Variants in MATR3 observed in about 807,000 individuals in gnomAD.
MATR3 encodes the protein matrin-3.
A neutral mutation model predicts 85.5 loss-of-function variants in MATR3; 4 were observed. That is an observed-to-expected ratio of 0.05 (90% CI 0.02 to 0.11). The LOEUF is 0.11. Ranked by LOEUF, MATR3 falls within the 10% of genes least tolerant of loss-of-function variation. MATR3 has a pLI of 1.00. For missense variants in MATR3, 685 were observed against 1,016.1 expected, an observed-to-expected ratio of 0.67 and a Z score of 4.43; for synonymous variants, 336 against 343.1, an observed-to-expected ratio of 0.98 and a Z score of 0.23.
chr5:139,319,000 A>G lies in MATR3; in HGVS notation c.1401A>G (p.Arg467=), dbSNP rs774463869. 2.2e-5 allele frequency: 35 copies of G among 1,613,720 alleles called. No homozygotes were observed. Among genetic ancestry groups the G allele is most frequent in the Middle Eastern group, 3.3e-4 (2 of 6,084 alleles). ...TPALVFGKPV[R]VHLSQKYKRI... Reference sequence around the variant, plus strand: ...CGTTAGTATTTGGCAAGCCAGTGAGAGTTCATTTATCCCAGAAGTATAAAA... The same window carrying G: ...CGTTAGTATTTGGCAAGCCAGTGAGGGTTCATTTATCCCAGAAGTATAAAA... The change falls in exon 8 of 15, where the codon AGA becomes AGG. Residue 467 remains arginine, a synonymous_variant. Transcript: ENST00000394805.
At chr5:139,319,193 C>T (rs1313795180) in intron 8 of MATR3, 141 bp from the exon 9 acceptor site, 3 of 1,236,382 alleles carry the variant, frequency 2.4e-6, no homozygotes, top group East Asian at 5.0e-5. Flanking sequence ...ATGTGAGGCC[C>T]AGGAGTTCCA....
chr5:139,321,446 G>C (rs916708586), intron 9 of MATR3, among the ~76,000 whole-genome samples: 1 of 151,724 alleles, frequency 6.6e-6, no homozygotes, highest in Non-Finnish European at 1.5e-5. Context: ...GAGCCACTGC[G>C]CCCAGCCCTG....
At chr5:139,328,724 A>G (rs541960068) in intron 14 of MATR3, among the ~76,000 whole-genome samples, 2 of 152,278 alleles carry the variant, frequency 1.3e-5, no homozygotes, top group East Asian at 3.9e-4. Flanking sequence ...CATTGAGGCC[A>G]GATGTGATAG....
chr5:139,323,631 G>A (rs1341515895), intron 12 of MATR3, among the ~76,000 whole-genome samples: 1 of 152,180 alleles, frequency 6.6e-6, no homozygotes, highest in Non-Finnish European at 1.5e-5. Flanking sequence ...GAGTCAGGCG[G>A]GCCCAGTGGC....
At chr5:139,316,736 G>A (rs1318758757) in intron 5 of MATR3, among the ~76,000 whole-genome samples, 3 of 152,046 alleles carry the variant, frequency 2.0e-5, no homozygotes, top group South Asian at 4.1e-4. Context: ...TTTTGGTAGA[G>A]GCAGGGGTTT....
intron 12 of MATR3, among the ~76,000 whole-genome samples, chr5:139,324,471 A>G (rs544980221): frequency 7.2e-5 from 11 of 152,070 alleles, no homozygotes; most frequent in African/African-American, 4.8e-5. Flanking sequence ...TTGTATTTTT[A>G]GTAGAAACGA....
intron 14 of MATR3, 23 bp downstream of exon 14, chr5:139,326,307 T>C: frequency 6.2e-7 from 1 of 1,611,106 alleles, no homozygotes; most frequent in Non-Finnish European, 8.5e-7. Context: ...GTAAAACAGT[T>C]CTTTTGTGAA....
intron 10 of MATR3, 74 bp from the exon 11 acceptor site, chr5:139,322,389 C>G (rs1581256020): frequency 6.0e-6 from 8 of 1,339,140 alleles, no homozygotes; most frequent in Middle Eastern, 1.8e-4. Context: ...TAGGGATTGT[C>G]TCCAATTATT....
intron 3 of MATR3, chr5:139,283,408 G>T (rs1405722225): frequency 6.6e-6 from 1 of 152,276 alleles, no homozygotes; most frequent in Non-Finnish European, 1.5e-5. Flanking sequence ...AGAACAGGAG[G>T]GGTGAAAGGG....
intron 14 of MATR3, among the ~76,000 whole-genome samples, chr5:139,328,430 C>CT (rs1755967508): frequency 6.6e-6 from 1 of 151,972 alleles, no homozygotes; most frequent in Admixed American, 6.6e-5. Context: ...GTCTTTTGTA[C>CT]TTTCATTAGT....
Position 139,305,410 on chromosome 5 carries a change from A to T in MATR3, c.-177-1829A>T, listed in dbSNP as rs532603619. 2.6e-5 allele frequency among the ~76,000 whole-genome samples: 4 copies of T among 152,340 alleles called. No homozygotes were observed. The South Asian group carries it at 8.3e-4, about 32-fold the overall frequency. On this transcript the variant is annotated intron_variant, in intron 1 of 14. Coordinates refer to ENST00000394805, the MANE Select transcript of MATR3 (RefSeq NM_018834.6). The stretch of plus-strand genomic sequence containing the variant: ...ATATAATTTCTCTTAGGGAAAAAAT[A>T]ATTCAAAAGACTGACTTTTCAGTAA...
chr5:139,323,153 T>C (rs1755665353), intron 12 of MATR3, among the ~76,000 whole-genome samples, 186 bp downstream of exon 12: 1 of 152,132 alleles, frequency 6.6e-6, no homozygotes, highest in Admixed American at 6.6e-5. Context: ...CATTTTATTA[T>C]AGTTGGCAAA....
chr5:139,295,087 C>T (rs1179927219), intron 1 of MATR3: 1 of 152,182 alleles, frequency 6.6e-6, no homozygotes, highest in Non-Finnish European at 1.5e-5. Context: ...ATACATTTTT[C>T]TCCCAGGGAA....
At chr5:139,279,968 C>T (rs1486161924) in intron 3 of MATR3, 1 of 152,134 alleles carries the variant, frequency 6.6e-6, no homozygotes, top group African/African-American at 2.4e-5. Context: ...TGGACAACTC[C>T]AATATTAGAG....
chr5:139,292,754 A>T (rs990119987), upstream of MATR3, among the ~76,000 whole-genome samples: 1 of 152,132 alleles, frequency 6.6e-6, no homozygotes, highest in Non-Finnish European at 1.5e-5. Flanking sequence ...CCTGGCTAAC[A>T]CGGTGAAACC....
intron 1 of MATR3, among the ~76,000 whole-genome samples, chr5:139,306,267 G>A (rs190831347): frequency 5.9e-5 from 9 of 152,244 alleles, no homozygotes; most frequent in African/African-American, 1.9e-4. Context: ...CTAGAAACAC[G>A]TCTTGGGGGA....
chr5:139,303,015 A>G (rs1754529878), intron 1 of MATR3, among the ~76,000 whole-genome samples: 1 of 148,372 alleles, frequency 6.7e-6, no homozygotes, highest in African/African-American at 2.5e-5. Context: ...ATAATCTTTC[A>G]TAGTTTTATG....
Position 139,322,658 on chromosome 5 carries a change from T to G in MATR3, c.1839T>G (p.Asp613Glu). 1 of 1,614,162 alleles carries G rather than the reference T, an allele frequency of 6.2e-7. No homozygotes were observed. The highest frequency in any genetic ancestry group is 1.1e-5 in the South Asian group (1 of 91,084). Reference sequence around the variant, plus strand: ...CAAGTGATAAGAAATCCAAAACTGATGGTTCCCAGAAGACTGAGAGTTCAA... The same window carrying G: ...CAAGTGATAAGAAATCCAAAACTGAGGGTTCCCAGAAGACTGAGAGTTCAA... ...ESPSDKKSKT[D>E]GSQKTESSTE... The change falls in exon 12 of 15, where the codon GAT (aspartate) becomes GAG (glutamate). Residue 613 changes from aspartate to glutamate, a missense_variant. Physicochemically the swap from Asp to Glu is conservative, Grantham distance 45. This residue lies in a region of MATR3 where 215 missense variants were observed against 194.7 expected (regional missense o/e 1.10). Transcript: ENST00000394805.
chr5:139,297,368 A>T (rs994602205), intron 1 of MATR3, among the ~76,000 whole-genome samples: 1 of 152,216 alleles, frequency 6.6e-6, no homozygotes, highest in Non-Finnish European at 1.5e-5. Context: ...CTATGTAGCA[A>T]ACCTTTCTCA....
Sources: allele counts gnomAD v4.1 joint callset (sites outside exome capture counted in the v4.1 genomes callset), GRCh38; gene constraint gnomAD v4.1.1; regional missense constraint gnomAD v4.1.1; transcripts MANE v1.5; gene names NCBI Gene and HGNC (gene_info 2026-07-23, HGNC 2026-07-21).